The following DGKG variants were observed in gnomAD, a reference collection of about 807,000 sequenced individuals.
DGKG encodes the protein DAG kinase gamma.
DGKG carries 78 observed loss-of-function variants against 105.3 expected under a neutral mutation model. The ratio of observed to expected loss-of-function variants is 0.74; its 90% CI spans 0.62 to 0.89. The LOEUF is 0.89. DGKG is among the 40% of genes least tolerant of loss of function. The probability of loss-of-function intolerance (pLI) is 0.00; values close to 1 mark genes in which losing one functional copy is unlikely to be tolerated. For missense variants in DGKG, 958 were observed against 1,020.1 expected, an observed-to-expected ratio of 0.94 and a Z score of 0.83; for synonymous variants, 346 against 367.1, an observed-to-expected ratio of 0.94 and a Z score of 0.66.
At chr3:186,326,098 A>G (rs1725325492) in intron 1 of DGKG, among the ~76,000 whole-genome samples, 1 of 152,182 alleles carries the variant, frequency 6.6e-6, no homozygotes, top group South Asian at 2.1e-4. Flanking sequence ...AGAGCTAGAA[A>G]ATAGATGCGT....
chr3:186,214,692 C>T (rs1719193333), intron 20 of DGKG, among the ~76,000 whole-genome samples: 1 of 152,152 alleles, frequency 6.6e-6, no homozygotes, highest in Non-Finnish European at 1.5e-5. Context: ...ATGCTAATTG[C>T]TAATATACTT....
At chr3:186,181,909 C>CCTT (rs1717375423) in intron 22 of DGKG, among the ~76,000 whole-genome samples, 1 of 152,196 alleles carries the variant, frequency 6.6e-6, no homozygotes, top group Non-Finnish European at 1.5e-5. Flanking sequence ...TAGGAGCAGG[C>CCTT]ATGAGGATCA....
At chr3:186,294,769 TAA>T (rs1560138446) in intron 5 of DGKG, among the ~76,000 whole-genome samples, 2 of 150,526 alleles carry the variant, frequency 1.3e-5, no homozygotes, top group East Asian at 1.9e-4. Flanking sequence ...ATAGAAGATA[TAA>T]GAGTTATCTG....
chr3:186,354,835 C>A (rs951401219), intron 1 of DGKG, among the ~76,000 whole-genome samples: 1 of 152,096 alleles, frequency 6.6e-6, no homozygotes, highest in African/African-American at 2.4e-5. Flanking sequence ...AGTGGTGAGA[C>A]CCTGGCTCCT....
At chr3:186,314,173 GCACACACACACACACACA>G (rs3221277) in intron 2 of DGKG, among the ~76,000 whole-genome samples, 16,517 of 139,554 alleles carry the variant, frequency 0.12, 1,202 homozygotes, top group Non-Finnish European at 0.17. Context: ...ATACATATCT[GCACACACACACACACACA>G]CACACACACA....
At chr3:186,205,272 A>G (rs1266800522) in intron 21 of DGKG, among the ~76,000 whole-genome samples, 1 of 151,418 alleles carries the variant, frequency 6.6e-6, no homozygotes, top group African/African-American at 2.4e-5. Flanking sequence ...AAAAAAAAAA[A>G]AAAAAAAAAG....
At chr3:186,338,765 A>T (rs16860724) in intron 1 of DGKG, among the ~76,000 whole-genome samples, 3,841 of 152,186 alleles carry the variant, frequency 0.025, 143 homozygotes, top group African/African-American at 0.088. Context: ...TTTTTCTGGC[A>T]CAACTCAATC....
intron 1 of DGKG, among the ~76,000 whole-genome samples, chr3:186,331,789 A>G (rs1033744959): frequency 3.3e-5 from 5 of 152,194 alleles, no homozygotes; most frequent in African/African-American, 1.2e-4. Flanking sequence ...TCATTTGTTC[A>G]CTTGCTCAAC....
At chr3:186,242,781 A>G in intron 19 of DGKG, 1 of 466,174 alleles carries the variant, frequency 2.1e-6, no homozygotes, top group South Asian at 3.9e-5. Flanking sequence ...CTTACAGCCT[A>G]TGCCAGTTGA....
rs1024957211 is a variant in DGKG, at chr3:186,203,107, G to T, written c.1917+8688C>A. ...AAGTTTTATGTGCCAGAAACTGCAA[G>T]CAAACAATGGAATTTTGTAAGGGAA... On this transcript the variant is annotated intron_variant, in intron 21 of 24. Coordinates refer to ENST00000265022, the MANE Select transcript of DGKG (RefSeq NM_001346.3). This position sits in a 1 kb window ranked among gnomAD's most constrained non-coding sequence, Gnocchi z 4.9. Among the ~76,000 whole-genome samples the T allele has an allele frequency of 6.6e-6, 1 of 152,188 alleles. No homozygotes were observed. Among genetic ancestry groups the T allele is most frequent in the Admixed American group, 6.5e-5 (1 of 15,270 alleles).
chr3:186,156,782 C>A (rs540593788), intron 24 of DGKG, among the ~76,000 whole-genome samples: 2 of 151,372 alleles, frequency 1.3e-5, no homozygotes, highest in Admixed American at 6.6e-5. Flanking sequence ...TAATTATATC[C>A]TTTGAATTGA....
chr3:186,312,978 C>CA lies in DGKG; in HGVS notation c.68-6002dup, dbSNP rs201002867. ...CCCCAGCATGCAGCCCATTGCCTGG[C>CA]AAAAAAAATAGATATTCAAGAAAGA... On this transcript the variant is annotated intron_variant, in intron 2 of 24. Coordinates refer to ENST00000265022, the MANE Select transcript of DGKG (RefSeq NM_001346.3). 5.3e-4 allele frequency among the ~76,000 whole-genome samples: 80 copies of CA among 151,536 alleles called. No individual in the cohort carries two copies. The East Asian group carries it at 8.3e-3, about 16-fold the overall frequency.
At chr3:186,357,401 A>G (rs939317776) in intron 1 of DGKG, among the ~76,000 whole-genome samples, 24 of 152,154 alleles carry the variant, frequency 1.6e-4, no homozygotes, top group African/African-American at 5.8e-4. Context: ...GAGGCAGTAA[A>G]GCAAAAGGTC....
intron 10 of DGKG, among the ~76,000 whole-genome samples, chr3:186,273,778 C>A (rs569393575): frequency 2.9e-4 from 44 of 152,192 alleles, no homozygotes; most frequent in Non-Finnish European, 6.0e-4. Flanking sequence ...CTAATTCACA[C>A]GTGCATGTTG....
At chr3:186,269,883 AAAG>A (rs1722236694) in intron 11 of DGKG, among the ~76,000 whole-genome samples, 1 of 152,194 alleles carries the variant, frequency 6.6e-6, no homozygotes, top group African/African-American at 2.4e-5. Flanking sequence ...CAGTGCGGCT[AAAG>A]CAAGAGCAGC....
chr3:186,186,845 G>A (rs764521983), intron 22 of DGKG, among the ~76,000 whole-genome samples: 3 of 152,218 alleles, frequency 2.0e-5, no homozygotes, highest in South Asian at 2.1e-4. Flanking sequence ...TACTTTTGGG[G>A]CTGGGGTAGA....
At chr3:186,272,031 C>A (rs931680251) in intron 11 of DGKG, among the ~76,000 whole-genome samples, 1 of 152,186 alleles carries the variant, frequency 6.6e-6, no homozygotes, top group African/African-American at 2.4e-5. Context: ...TGGGGAGCGT[C>A]TCTTACAACC....
intron 22 of DGKG, among the ~76,000 whole-genome samples, chr3:186,184,133 G>A (rs1233009630): frequency 6.7e-6 from 1 of 150,286 alleles, no homozygotes; most frequent in East Asian, 1.9e-4. Context: ...TTTTTTTTTA[G>A]GTTTGAGCTT....
chr3:186,160,330 C>A (rs1017159385), intron 24 of DGKG: 1 of 985,200 alleles, frequency 1.0e-6, no homozygotes, highest in African/African-American at 1.7e-5. Flanking sequence ...TGATTTCTTC[C>A]ACCTTTTTTT....
Sources: allele counts gnomAD v4.1 joint callset (sites outside exome capture counted in the v4.1 genomes callset), GRCh38; gene constraint gnomAD v4.1.1; non-coding constraint Gnocchi (gnomAD v3.1); transcripts MANE v1.5; gene names NCBI Gene and HGNC (gene_info 2026-07-23, HGNC 2026-07-21).